Variants in CATSPERG observed in about 807,000 individuals in gnomAD.
CATSPERG encodes cation channel sperm-associated auxiliary subunit gamma.
A neutral mutation model predicts 145.0 loss-of-function variants in CATSPERG; 115 were observed. The ratio of observed to expected loss-of-function variants is 0.79; its 90% CI spans 0.68 to 0.93. CATSPERG has a LOEUF of 0.93. CATSPERG is among the 40% of genes least tolerant of loss of function. The probability of loss-of-function intolerance (pLI) is 0.00; values close to 1 mark genes in which losing one functional copy is unlikely to be tolerated. For missense variants in CATSPERG, 1,296 were observed against 1,490.1 expected, an observed-to-expected ratio of 0.87 and a Z score of 2.14; for synonymous variants, 588 against 589.0, an observed-to-expected ratio of 1.00 and a Z score of 0.02.
At chr19:38,346,788 G>T (rs1970049305) in intron 7 of CATSPERG, among the ~76,000 whole-genome samples, 183 bp downstream of exon 7, 1 of 152,214 alleles carries the variant, frequency 6.6e-6, no homozygotes, top group South Asian at 2.1e-4. Context: ...TTCAAACCCT[G>T]GTTCTGCCAC....
chr19:38,361,470 G>A (rs1000409973), intron 16 of CATSPERG, among the ~76,000 whole-genome samples, 178 bp from the exon 17 acceptor site: 3 of 152,010 alleles, frequency 2.0e-5, no homozygotes, highest in African/African-American at 7.2e-5. Flanking sequence ...GGGATCAAGG[G>A]AGGGACGTCC....
At chr19:38,342,706 C>T (rs936619638) in intron 3 of CATSPERG, among the ~76,000 whole-genome samples, 5 of 151,750 alleles carry the variant, frequency 3.3e-5, no homozygotes, top group African/African-American at 9.7e-5. Context: ...GTAAATCCCT[C>T]GCCCTGGTCC....
chr19:38,347,973 C>T (rs1221986320), intron 7 of CATSPERG, among the ~76,000 whole-genome samples: 3 of 151,912 alleles, frequency 2.0e-5, no homozygotes, highest in Non-Finnish European at 4.4e-5. Flanking sequence ...CCTTAACCTC[C>T]TCCCATCAAG....
At chr19:38,367,899 C>A in intron 25 of CATSPERG, 123 bp downstream of exon 25, 1 of 1,148,506 alleles carries the variant, frequency 8.7e-7, no homozygotes, top group Non-Finnish European at 1.3e-6. Flanking sequence ...CACAGTGGGG[C>A]TCTTAGGATC....
At chr19:38,364,812 G>C in intron 20 of CATSPERG, 79 bp from the exon 21 acceptor site, 1 of 1,130,982 alleles carries the variant, frequency 8.8e-7, no homozygotes, top group Non-Finnish European at 1.3e-6. Context: ...CCCAGCTATG[G>C]GTTATTTGAA....
intron 7 of CATSPERG, among the ~76,000 whole-genome samples, chr19:38,348,054 G>A (rs1003039851): frequency 6.6e-6 from 1 of 152,096 alleles, no homozygotes; most frequent in African/African-American, 2.4e-5. Flanking sequence ...TTCTGGCTCT[G>A]AATTCCTGCT....
chr19:38,342,754 C>G (rs927787439), intron 3 of CATSPERG, among the ~76,000 whole-genome samples: 1 of 151,872 alleles, frequency 6.6e-6, no homozygotes, highest in African/African-American at 2.4e-5. Flanking sequence ...GCCTGAGTGC[C>G]GCCTTCTCTC....
chr19:38,367,161 C>A lies in CATSPERG; in HGVS notation c.2619C>A (p.Asn873Lys). ...CCTTTTTTCCTCCCACCGAGGGCAA[C>A]CTGATGGTGCCAGTGTTCATTGGCT... ...ETHLGPHMQG[N>K]LMVPVFIGCP... is the part of the protein sequence containing the mutation. Residue 873 changes from asparagine to lysine, a missense_variant, in exon 23 of 29, where the codon AAC (asparagine) becomes AAA (lysine). Physicochemically the swap from Asn to Lys is moderately conservative, Grantham distance 94 (BLOSUM62 0). Coordinates refer to ENST00000409235, the MANE Select transcript of CATSPERG (RefSeq NM_021185.5). 6.2e-7 allele frequency: 1 copy of A among 1,612,874 alleles called. No individual in the cohort carries two copies. Among genetic ancestry groups the A allele is most frequent in the Non-Finnish European group, 8.5e-7 (1 of 1,179,550 alleles).
intron 7 of CATSPERG, chr19:38,349,333 T>C (rs1282376708): frequency 6.6e-6 from 1 of 152,162 alleles, no homozygotes; most frequent in Non-Finnish European, 1.5e-5. Flanking sequence ...GGTTTTGCCA[T>C]GTTGCCCAGC....
At position 38,362,199 on chromosome 19, in the gene CATSPERG, G is replaced by A. The variant is rs1456065313; in HGVS notation, c.2095-11G>A. 2 of 1,581,322 alleles carry A rather than the reference G, an allele frequency of 1.3e-6. No homozygotes were observed. ...GCCCAATCCCTTCACGGTGCCGGGCGATCCCTGCAGCCGTACGCGGACCCG... is the reference window on the plus strand; with the variant it reads ...GCCCAATCCCTTCACGGTGCCGGGCAATCCCTGCAGCCGTACGCGGACCCG... On this transcript the variant is annotated splice_polypyrimidine_tract_variant and intron_variant, in intron 17 of 28. Coordinates refer to ENST00000409235, the MANE Select transcript of CATSPERG (RefSeq NM_021185.5).
chr19:38,336,489 A>G (rs1969839130), intron 1 of CATSPERG: 4 of 295,298 alleles, frequency 1.4e-5, no homozygotes, highest in South Asian at 1.1e-4. Flanking sequence ...GCCCCGGGCG[A>G]GAAACGGGGG....
chr19:38,358,639 C>T, intron 13 of CATSPERG, 78 bp downstream of exon 13: 4 of 1,565,000 alleles, frequency 2.6e-6, no homozygotes, highest in Non-Finnish European at 3.5e-6. Flanking sequence ...CCTTTCAAGC[C>T]CAGGCTAGGC....
intron 5 of CATSPERG, 35 bp downstream of exon 5, chr19:38,344,154 C>G (rs1448512174): frequency 1.3e-6 from 2 of 1,550,964 alleles, no homozygotes; most frequent in Non-Finnish European, 1.7e-6. Context: ...GGGGTGGACT[C>G]CGGGGGAATT....
In CATSPERG at chr19:38,362,759, TG is replaced by T. The variant is rs1338521067; in HGVS notation, c.2404del (p.Ala802ProfsTer10). 6.2e-7 allele frequency: 1 copy of T among 1,613,770 alleles called. No homozygotes were observed. Among genetic ancestry groups the T allele is most frequent in the South Asian group, 1.1e-5 (1 of 91,070 alleles). On this transcript the variant is annotated frameshift_variant, in exon 20 of 29. Transcript: ENST00000409235. LOFTEE classifies it high-confidence loss of function. ...AGCCAGGTGGACGTGGGCGTGGTGC[TG>T]GCCGACCCCGGCTGCATCGAGGCCT... is the stretch of plus-strand genomic sequence containing the variant. Reference protein sequence around the residue: ...LHSQVDVGVVLADPGCIEASV... With the variant: ...LHSQVDVGVVXADPGCIEASV...
intron 20 of CATSPERG, 39 bp downstream of exon 20, chr19:38,362,871 GTTTTTTTTTTTTTTT>G (rs553363428): frequency 1.8e-5 from 8 of 453,744 alleles, no homozygotes; most frequent in African/African-American, 3.2e-5. Flanking sequence ...GGGAGGTTTT[GTTTTTTTTTTTTTTT>G]TTTTTTTTTG....
intron 8 of CATSPERG, among the ~76,000 whole-genome samples, chr19:38,353,991 A>C (rs1296333997): frequency 4.4e-5 from 4 of 90,626 alleles, no homozygotes; most frequent in Admixed American, 1.1e-4. Context: ...ACTCTGTCTC[A>C]AAAAAAAAAA....
Position 38,370,175 on chromosome 19 carries a change from A to G in CATSPERG, c.3130A>G (p.Thr1044Ala). 1 of 1,613,856 alleles carries G rather than the reference A, an allele frequency of 6.2e-7. No homozygotes were observed. Among genetic ancestry groups the G allele is most frequent in the Non-Finnish European group, 8.5e-7 (1 of 1,179,998 alleles). Residue 1044 changes from threonine to alanine, a missense_variant, in exon 28 of 29, where the codon ACC (threonine) becomes GCC (alanine). Coordinates refer to ENST00000409235, the MANE Select transcript of CATSPERG (RefSeq NM_021185.5). ...CCCCTGCAGAGGAGTGGACACGAGCACCTACTGCAACTACCAGCTCACCTT... is the reference window on the plus strand; with the variant it reads ...CCCCTGCAGAGGAGTGGACACGAGCGCCTACTGCAACTACCAGCTCACCTT... Reference protein sequence around the residue: ...LVSNRGVDTSTYCNYQLTFLL... With the variant: ...LVSNRGVDTSAYCNYQLTFLL...
At chr19:38,343,887 G>T in intron 4 of CATSPERG, 106 bp from the exon 5 acceptor site, 1 of 1,446,036 alleles carries the variant, frequency 6.9e-7, no homozygotes, top group Non-Finnish European at 9.3e-7. Flanking sequence ...GACCCATGGC[G>T]TGGAGGCAGG....
intron 25 of CATSPERG, 39 bp from the exon 26 acceptor site, chr19:38,368,008 GC>G: frequency 1.9e-6 from 3 of 1,586,006 alleles, no homozygotes; most frequent in South Asian, 1.1e-5. Flanking sequence ...CCCCTACACC[GC>G]CCCCCAACCC....
Sources: gnomAD v4.1 joint callset for allele counts (sites outside exome capture counted in the v4.1 genomes callset) on GRCh38, gnomAD v4.1.1 for gene constraint, MANE v1.5 for transcripts, NCBI Gene and HGNC (gene_info 2026-07-23, HGNC 2026-07-21) for gene names.